Variants in UPRT observed in about 807,000 individuals in gnomAD.
The protein encoded by UPRT is uracil phosphoribosyltransferase homolog.
In UPRT, 5 loss-of-function variants were observed where a neutral mutation model predicts 22.6. The observed-to-expected ratio is 0.22, with a 90% CI of 0.12 to 0.47. The LOEUF is 0.47. Ranked by LOEUF, UPRT falls within the 20% of genes least tolerant of loss-of-function variation. The probability of loss-of-function intolerance (pLI) is 0.99; values close to 1 mark genes in which losing one functional copy is unlikely to be tolerated. For missense variants in UPRT, 181 were observed against 239.9 expected (o/e 0.75, Z 1.62); for synonymous variants, 77 against 87.7 (o/e 0.88, Z 0.68).
intron 4 of UPRT, among the ~76,000 whole-genome samples, chrX:75,236,078 C>G (rs1215246573): frequency 9.0e-6 from 1 of 111,194 alleles, no homozygotes; most frequent in Non-Finnish European, 1.9e-5. Flanking sequence ...TCTCCTTAAG[C>G]TGATAAGCAA....
chrX:75,263,712 T>C (rs2147671757), intron 4 of UPRT, among the ~76,000 whole-genome samples: 1 of 109,566 alleles, frequency 9.1e-6, no homozygotes, highest in Admixed American at 9.9e-5. Flanking sequence ...TGTGTCTCTA[T>C]TTCCTTCAGT....
intron 4 of UPRT, among the ~76,000 whole-genome samples, chrX:75,183,692 C>G (rs2082279112): frequency 8.9e-6 from 1 of 111,843 alleles, no homozygotes; most frequent in Admixed American, 9.5e-5. Context: ...CTTTTGTTTC[C>G]TGAATTTTTA....
chrX:75,217,782 G>A (rs1345046972), intron 4 of UPRT, among the ~76,000 whole-genome samples: 29 of 112,246 alleles, frequency 2.6e-4, no homozygotes, highest in Non-Finnish European at 4.7e-4. Flanking sequence ...AACAAGCAAT[G>A]GGGAAAGGAT....
At chrX:75,233,566 C>T in intron 4 of UPRT, among the ~76,000 whole-genome samples, 1 of 110,634 alleles carries the variant, frequency 9.0e-6, no homozygotes, top group Admixed American at 9.6e-5. Flanking sequence ...AAGGGAAGAC[C>T]ATCAGACTAA....
chrX:75,221,987 A>C (rs1578663), intron 4 of UPRT, among the ~76,000 whole-genome samples: 14,065 of 110,648 alleles, frequency 0.13, 1,565 homozygotes, highest in East Asian at 0.91. Context: ...GGTATTTGTA[A>C]GTACTTAGTT....
At chrX:75,191,206 C>G (rs1018827607) in intron 4 of UPRT, among the ~76,000 whole-genome samples, 1 of 112,382 alleles carries the variant, frequency 8.9e-6, no homozygotes, top group Non-Finnish European at 1.9e-5. Context: ...AATCAGGACC[C>G]TTAGCTGCAG....
At chrX:75,157,105 T>A (rs1470600847) in intron 1 of UPRT, among the ~76,000 whole-genome samples, 1 of 112,390 alleles carries the variant, frequency 8.9e-6, no homozygotes, top group Non-Finnish European at 1.9e-5. Context: ...ACCACTATTA[T>A]CAAACAAAAT....
intron 4 of UPRT, among the ~76,000 whole-genome samples, chrX:75,210,577 A>G (rs1396646316): frequency 2.0e-5 from 2 of 100,220 alleles, no homozygotes; most frequent in Non-Finnish European, 4.0e-5. Flanking sequence ...GTGAGAGCTG[A>G]TTTGCAGTGG....
intron 4 of UPRT, among the ~76,000 whole-genome samples, chrX:75,236,032 T>C (rs2082461922): frequency 9.0e-6 from 1 of 111,076 alleles, no homozygotes; most frequent in Admixed American, 9.6e-5. Context: ...AAGACATGAT[T>C]GTATATCTAG....
chrX:75,167,757 TTG>T (rs1359648252), intron 3 of UPRT, among the ~76,000 whole-genome samples: 2 of 110,183 alleles, frequency 1.8e-5, no homozygotes, highest in African/African-American at 6.8e-5. Context: ...TGCTTGTTTT[TTG>T]TTTTTTTTTT....
Position 75,274,301 on chromosome X carries a change from A to G in UPRT, c.47A>G (p.Gln16Arg). Residue 16 changes from glutamine (Q) to arginine (R), a missense_variant, in exon 1 of 7, where the codon CAG becomes CGG. By Grantham distance (43) the Gln-to-Arg change is conservative. Coordinates refer to ENST00000373383, the MANE Select transcript of UPRT (RefSeq NM_145052.4). ...QCPDSMPCHN[Q>R]QVNSASTPSP... The stretch of plus-strand genomic sequence containing the variant: ...CCGGACTCCATGCCCTGTCACAACC[A>G]GCAAGTAAACTCTGCCTCAACCCCA... 8.3e-7 allele frequency: 1 copy of G among 1,211,422 alleles called. No homozygotes were observed. Among genetic ancestry groups the G allele is most frequent in the Non-Finnish European group, 1.1e-6 (1 of 895,265 alleles).
chrX:75,286,310 G>A (rs1296957812), intron 1 of UPRT, among the ~76,000 whole-genome samples: 1 of 87,607 alleles, frequency 1.1e-5, no homozygotes, highest in South Asian at 8.6e-4. Flanking sequence ...TTTACTTGGG[G>A]GGGGGGTGGG....
chrX:75,297,751 G>T, intron 4 of UPRT, 198 bp downstream of exon 4: 1 of 447,654 alleles, frequency 2.2e-6, no homozygotes, highest in Non-Finnish European at 3.9e-6. Context: ...ACTACAGAGC[G>T]TATTCCCTAA....
chrX:75,199,923 T>C (rs898990565), intron 4 of UPRT, among the ~76,000 whole-genome samples: 2 of 111,764 alleles, frequency 1.8e-5, no homozygotes, highest in African/African-American at 6.5e-5. Context: ...TCTGCATTTC[T>C]CTAGTGACCA....
At chrX:75,159,853 T>C (rs927052763) in intron 1 of UPRT, among the ~76,000 whole-genome samples, 4 of 101,377 alleles carry the variant, frequency 3.9e-5, no homozygotes, top group Admixed American at 1.1e-4. Flanking sequence ...CTCAGCTCAC[T>C]GCAACTTTCG....
At chrX:75,206,431 T>C (rs1328880327) in intron 4 of UPRT, among the ~76,000 whole-genome samples, 2 of 110,725 alleles carry the variant, frequency 1.8e-5, no homozygotes, top group Non-Finnish European at 3.8e-5. Flanking sequence ...GTAATATCTT[T>C]GAGATTGGCA....
chrX:75,248,805 G>A (rs1204708021), intron 4 of UPRT, among the ~76,000 whole-genome samples: 1 of 111,935 alleles, frequency 8.9e-6, no homozygotes, highest in Non-Finnish European at 1.9e-5. Context: ...AGGGCAGCCA[G>A]AGAGAAAGGT....
chrX:75,159,318 A>G (rs2082192068), intron 1 of UPRT, among the ~76,000 whole-genome samples: 1 of 112,457 alleles, frequency 8.9e-6, no homozygotes, highest in Admixed American at 9.4e-5. Flanking sequence ...GCTGAACAAT[A>G]TTTTATTGTG....
At chrX:75,207,039 G>A (rs1463451610) in intron 4 of UPRT, among the ~76,000 whole-genome samples, 1 of 112,392 alleles carries the variant, frequency 8.9e-6, no homozygotes, top group African/African-American at 3.2e-5. Flanking sequence ...GGCATTTGTA[G>A]CCTTTTGGTA....
Sources: gnomAD v4.1 joint callset for allele counts (sites outside exome capture counted in the v4.1 genomes callset) on GRCh38, gnomAD v4.1.1 for gene constraint, MANE v1.5 for transcripts, NCBI Gene and HGNC (gene_info 2026-07-23, HGNC 2026-07-21) for gene names.